The following FER1L6 variants were observed in gnomAD, a reference collection of about 807,000 sequenced individuals.
The protein encoded by FER1L6 is fer-1-like protein 6.
FER1L6 carries 177 observed loss-of-function variants against 219.2 expected under a neutral mutation model. The ratio of observed to expected loss-of-function variants is 0.81; its 90% CI spans 0.71 to 0.91. The LOEUF is 0.91. Ranked by LOEUF, FER1L6 falls within the 40% of genes least tolerant of loss-of-function variation. The probability of loss-of-function intolerance (pLI) is 0.00; values close to 1 mark genes in which losing one functional copy is unlikely to be tolerated. For missense variants in FER1L6, 2,153 were observed against 2,259.9 expected (o/e 0.95, Z 0.96); for synonymous variants, 768 against 824.3 (o/e 0.93, Z 1.17).
intron 22 of FER1L6, among the ~76,000 whole-genome samples, chr8:124,058,296 ACTTTGAGGTCCT>A (rs1820401347): frequency 6.6e-6 from 1 of 152,064 alleles, no homozygotes; most frequent in Non-Finnish European, 1.5e-5. Context: ...AGCTGGACCT[ACTTTGAGGTCCT>A]GATATTTTAC....
chr8:123,914,049 A>C (rs1813116831), intron 1 of FER1L6, among the ~76,000 whole-genome samples: 1 of 152,216 alleles, frequency 6.6e-6, no homozygotes, highest in Non-Finnish European at 1.5e-5. Context: ...GCAGTGTTCT[A>C]AAATGGTAGC....
chr8:124,002,702 C>G (rs540618831), intron 12 of FER1L6, among the ~76,000 whole-genome samples: 15 of 112,638 alleles, frequency 1.3e-4, no homozygotes, highest in Non-Finnish European at 2.4e-4. Context: ...CCCCACCCCC[C>G]GCCCTTAATT....
chr8:123,924,517 A>C (rs1813489126), intron 1 of FER1L6, among the ~76,000 whole-genome samples: 1 of 144,252 alleles, frequency 6.9e-6, no homozygotes, highest in Non-Finnish European at 1.5e-5. Flanking sequence ...CCGGGTAACG[A>C]GACTGAAACT....
intron 19 of FER1L6, among the ~76,000 whole-genome samples, chr8:124,037,085 A>G (rs1180450372): frequency 6.6e-6 from 1 of 152,220 alleles, no homozygotes; most frequent in Admixed American, 6.5e-5. Context: ...GAGGAGGGTG[A>G]CTAGATTAGT....
At chr8:123,873,544 TTC>T (rs1218010294) in intron 1 of FER1L6, among the ~76,000 whole-genome samples, 1 of 151,512 alleles carries the variant, frequency 6.6e-6, no homozygotes, top group Non-Finnish European at 1.5e-5. Context: ...CTTTAAGCCA[TTC>T]TCTCTCTCTC....
At chr8:124,043,258 G>A (rs1446983260) in intron 20 of FER1L6, among the ~76,000 whole-genome samples, 2 of 152,200 alleles carry the variant, frequency 1.3e-5, no homozygotes, top group East Asian at 3.8e-4. Flanking sequence ...CAGGGTAGGT[G>A]CTAACCCCAT....
chr8:124,085,193 G>A (rs1480362196), intron 33 of FER1L6, among the ~76,000 whole-genome samples: 1 of 151,936 alleles, frequency 6.6e-6, no homozygotes, highest in Non-Finnish European at 1.5e-5. Flanking sequence ...TAGCTAAAGA[G>A]TTGCCAATTT....
At chr8:123,877,476 C>T (rs1430302983) in intron 1 of FER1L6, among the ~76,000 whole-genome samples, 1 of 152,088 alleles carries the variant, frequency 6.6e-6, no homozygotes, top group Non-Finnish European at 1.5e-5. Flanking sequence ...GCTTTGGGAG[C>T]CTGCAGCTGG....
chr8:123,919,317 CCAGG>C (rs1465323060), intron 1 of FER1L6, among the ~76,000 whole-genome samples: 1 of 152,196 alleles, frequency 6.6e-6, no homozygotes, highest in Non-Finnish European at 1.5e-5. Flanking sequence ...CTTAACTGGT[CCAGG>C]CTGGGCTTCC....
intron 1 of FER1L6, among the ~76,000 whole-genome samples, chr8:123,891,845 G>T (rs2129700089): frequency 6.6e-6 from 1 of 152,298 alleles, no homozygotes; most frequent in African/African-American, 2.4e-5. Context: ...CAACCATTCA[G>T]TTCCTCTGAG....
chr8:124,068,841 G>A (rs995098507), intron 28 of FER1L6, among the ~76,000 whole-genome samples: 6 of 152,076 alleles, frequency 3.9e-5, no homozygotes, highest in Admixed American at 3.3e-4. Context: ...TGCATGGGGT[G>A]CCCTGCAGTC....
chr8:123,885,070 C>A (rs1317717495), intron 1 of FER1L6, among the ~76,000 whole-genome samples: 2 of 152,090 alleles, frequency 1.3e-5, no homozygotes, highest in Non-Finnish European at 2.9e-5. Flanking sequence ...CACCTGCAAG[C>A]CACAGGATGC....
chr8:124,029,193 G>T (rs1200816962), intron 18 of FER1L6, among the ~76,000 whole-genome samples: 3 of 152,138 alleles, frequency 2.0e-5, no homozygotes, highest in Non-Finnish European at 4.4e-5. Flanking sequence ...TGGGCATTTG[G>T]GTTGGTTCTG....
intron 39 of FER1L6, among the ~76,000 whole-genome samples, chr8:124,106,308 G>A (rs1424418086): frequency 2.9e-5 from 3 of 105,064 alleles, no homozygotes; most frequent in African/African-American, 1.1e-4. Context: ...CAGCCTGGGC[G>A]ACAGAGTGAG....
At chr8:123,957,549 G>C (rs1013408870) in intron 2 of FER1L6, among the ~76,000 whole-genome samples, 1 of 152,174 alleles carries the variant, frequency 6.6e-6, no homozygotes, top group Non-Finnish European at 1.5e-5. Context: ...ACTCTGAAAA[G>C]TAGATTCTTT....
chr8:123,970,026 G>A lies in FER1L6; in HGVS notation c.385-9G>A, dbSNP rs1339814895. On this transcript the variant is annotated splice_polypyrimidine_tract_variant and intron_variant, in intron 5 of 40. Transcript: ENST00000522917. ...GGTTGATGACCAGAATGAACTTTTT[G>A]TTTTGCAGTACTTTGTCTTCGACTT... 1 of 1,613,750 alleles carries A rather than the reference G, an allele frequency of 6.2e-7. No individual in the cohort carries two copies. The highest frequency in any genetic ancestry group is 8.5e-7 in the Non-Finnish European group (1 of 1,179,670).
intron 1 of FER1L6, among the ~76,000 whole-genome samples, chr8:123,913,204 C>T (rs1232696514): frequency 1.3e-5 from 2 of 152,034 alleles, no homozygotes; most frequent in East Asian, 1.9e-4. Context: ...TTACATTTTA[C>T]TTAATACCTA....
intron 20 of FER1L6, among the ~76,000 whole-genome samples, chr8:124,044,697 T>C (rs563234876): frequency 6.6e-6 from 1 of 152,264 alleles, no homozygotes; most frequent in Non-Finnish European, 1.5e-5. Context: ...TTTTGAACTC[T>C]TTCCAGGACT....
intron 6 of FER1L6, among the ~76,000 whole-genome samples, chr8:123,972,214 A>G (rs1815853029): frequency 1.3e-5 from 2 of 152,158 alleles, no homozygotes; most frequent in Admixed American, 6.5e-5. Context: ...AGGGAGAGAG[A>G]GTGGAAAGAG....
Sources: allele counts gnomAD v4.1 joint callset (sites outside exome capture counted in the v4.1 genomes callset), GRCh38; gene constraint gnomAD v4.1.1; transcripts MANE v1.5; gene names NCBI Gene and HGNC (gene_info 2026-07-23, HGNC 2026-07-21).